Variants in NPHP4 observed in about 807,000 individuals in gnomAD.
The protein encoded by NPHP4 is nephrocystin-4.
A neutral mutation model predicts 155.8 loss-of-function variants in NPHP4; 151 were observed. That is an observed-to-expected ratio of 0.97 (90% CI 0.85 to 1.11). The LOEUF is 1.11. Among genes scored for constraint, NPHP4 ranks in the 50% least tolerant of loss-of-function variants. NPHP4 has a pLI of 0.00. For synonymous variants in NPHP4, 845 were observed against 816.8 expected (o/e 1.03, Z -0.59); for missense variants, 1,956 against 1,925.7 (o/e 1.02, Z -0.29).
At chr1:5,915,304 C>T (rs867082834) in intron 11 of NPHP4, among the ~76,000 whole-genome samples, 10 of 152,038 alleles carry the variant, frequency 6.6e-5, no homozygotes, top group Admixed American at 1.3e-4. Flanking sequence ...GAAGGACCAT[C>T]GCTAGTAAAG....
In NPHP4 at chr1:5,887,345, T is replaced by C. The variant is rs747951355; in HGVS notation, c.2426A>G (p.Lys809Arg). ...SGDMLGFGRV[K>R]PIGVHSVVKG... is the part of the protein sequence containing the mutation. The stretch of plus-strand genomic sequence containing the variant: ...CACCACCGAGTGGACGCCGATGGGC[T>C]TGACGCGGCCAAACCCCAGCATGTC... The change falls in exon 18 of 30, where the codon AAG (lysine) becomes AGG (arginine). Residue 809 changes from lysine to arginine, a missense_variant. Coordinates refer to ENST00000378156, the MANE Select transcript of NPHP4 (RefSeq NM_015102.5). 4.8e-5 allele frequency: 77 copies of C among 1,613,486 alleles called. No individual in the cohort carries two copies. Among genetic ancestry groups the C allele is most frequent in the Non-Finnish European group, 6.1e-5 (72 of 1,179,880 alleles).
intron 19 of NPHP4, 167 bp from the exon 20 acceptor site, chr1:5,877,465 T>G (rs1642737585): frequency 1.0e-5 from 5 of 479,352 alleles, no homozygotes; most frequent in Middle Eastern, 5.3e-4. Flanking sequence ...CAGATAAAGA[T>G]GATAACTTTA....
rs899077550 is a variant in NPHP4, at chr1:5,972,853, C to G, written c.280-3594G>C. Among the ~76,000 whole-genome samples, 110 of 151,982 alleles carry G rather than the reference C, an allele frequency of 7.2e-4. 1 individual carries two copies. The highest frequency in any genetic ancestry group is 1.9e-3 in the Admixed American group (29 of 15,250). Reference sequence around the variant, plus strand: ...GGTGCACCCATCACCCGAGCAGTATCCACTGAACCTAATTTGTAGGGTTTT... The same window carrying G: ...GGTGCACCCATCACCCGAGCAGTATGCACTGAACCTAATTTGTAGGGTTTT... On this transcript the variant is annotated intron_variant, in intron 3 of 29. Transcript: ENST00000378156.
At chr1:5,865,009 A>G in intron 27 of NPHP4, 93 bp downstream of exon 27, 2 of 1,317,608 alleles carry the variant, frequency 1.5e-6, no homozygotes, top group Non-Finnish European at 2.2e-6. Flanking sequence ...AGCTGCTGTC[A>G]GGGCCACCCA....
intron 9 of NPHP4, among the ~76,000 whole-genome samples, chr1:5,933,738 G>T (rs1646395825): frequency 1.3e-5 from 2 of 152,220 alleles, no homozygotes; most frequent in Non-Finnish European, 2.9e-5. Flanking sequence ...ACTAGGAACA[G>T]CACTTTGAAT....
At chr1:5,912,334 C>A (rs963216151) in intron 11 of NPHP4, among the ~76,000 whole-genome samples, 1 of 152,040 alleles carries the variant, frequency 6.6e-6, no homozygotes, top group Non-Finnish European at 1.5e-5. Context: ...GTCAGGAGAT[C>A]GAGACCATCC....
chr1:5,888,549 C>T (rs771244634), intron 17 of NPHP4: 1 of 1,350,298 alleles, frequency 7.4e-7, no homozygotes, highest in South Asian at 1.1e-5. Flanking sequence ...ACGATCACTG[C>T]ATAGACATCG....
At chr1:5,877,375 C>A in intron 19 of NPHP4, 77 bp from the exon 20 acceptor site, 1 of 1,239,192 alleles carries the variant, frequency 8.1e-7, no homozygotes, top group Non-Finnish European at 1.1e-6. Flanking sequence ...GGCAGGCCTC[C>A]CAGGACCACC....
At chr1:5,986,905 A>G (rs1349039252) in intron 1 of NPHP4, among the ~76,000 whole-genome samples, 5 of 152,070 alleles carry the variant, frequency 3.3e-5, no homozygotes, top group African/African-American at 1.2e-4. Context: ...ATACAGTCCT[A>G]GCGTTAAGAC....
rs918571590 is a variant in NPHP4 at position 5,889,070 on chromosome 1, G to C, written c.2305-1604C>G. Among the ~76,000 whole-genome samples the C allele has an allele frequency of 6.6e-6, 1 of 152,170 alleles. No homozygotes were observed. Among genetic ancestry groups the C allele is most frequent in the Non-Finnish European group, 1.5e-5 (1 of 68,028 alleles). On this transcript the variant is annotated intron_variant, in intron 17 of 29. Transcript: ENST00000378156. This position sits in a 1 kb window ranked among gnomAD's most constrained non-coding sequence, Gnocchi z 4.2. ...AGGGGTCACACTGAAGGCAGCACAG[G>C]AGCCGTCCGTCCCTAGAGGAAACTC...
At chr1:5,870,784 G>A (rs1281231396) in intron 23 of NPHP4, among the ~76,000 whole-genome samples, 1 of 152,202 alleles carries the variant, frequency 6.6e-6, no homozygotes, top group Non-Finnish European at 1.5e-5. Context: ...TGCATAACCT[G>A]GGTCTAACTG....
intron 11 of NPHP4, among the ~76,000 whole-genome samples, chr1:5,918,875 GAGA>G (rs1223316703): frequency 6.6e-6 from 1 of 152,196 alleles, no homozygotes; most frequent in Non-Finnish European, 1.5e-5. Flanking sequence ...TGGTTTCACA[GAGA>G]AGTTTTATCA....
At chr1:5,984,969 A>G (rs1433506432) in intron 2 of NPHP4, among the ~76,000 whole-genome samples, 3 of 152,198 alleles carry the variant, frequency 2.0e-5, no homozygotes, top group African/African-American at 7.2e-5. Flanking sequence ...AACGGGAGTA[A>G]GGTGGTGGCA....
At chr1:5,873,479 C>A in intron 22 of NPHP4, 144 bp from the exon 23 acceptor site, 1 of 687,096 alleles carries the variant, frequency 1.5e-6, no homozygotes, top group East Asian at 2.7e-5. Context: ...CATCACCAAC[C>A]GGCCTCACTG....
chr1:5,942,935 G>T (rs1646901567), intron 9 of NPHP4, among the ~76,000 whole-genome samples: 1 of 152,196 alleles, frequency 6.6e-6, no homozygotes, highest in African/African-American at 2.4e-5. Flanking sequence ...ACCGGATCTG[G>T]TGATTTTTGC....
At chr1:5,971,617 C>A (rs907214455) in intron 3 of NPHP4, among the ~76,000 whole-genome samples, 1 of 152,202 alleles carries the variant, frequency 6.6e-6, no homozygotes, top group Non-Finnish European at 1.5e-5. Context: ...GTCACCCCAG[C>A]AAAGTCATAT....
chr1:5,978,302 T>G lies in NPHP4; in HGVS notation c.247A>C (p.Lys83Gln). ...RTWKTTVKPTKRPPSRIVFNE... is the reference protein window; with the variant it reads ...RTWKTTVKPTQRPPSRIVFNE... ...AAGACGATCCTGGACGGCGGTCTCT[T>G]CGTCGGCTTCACTGTGGTTTTCCAC... The change falls in exon 3 of 30, where the codon AAG becomes CAG. Residue 83 changes from lysine to glutamine, a missense_variant. Physicochemically the swap from Lys to Gln is moderately conservative, Grantham distance 53. Coordinates refer to ENST00000378156, the MANE Select transcript of NPHP4 (RefSeq NM_015102.5). The G allele has an allele frequency of 1.2e-6, 2 of 1,608,928 alleles. No homozygotes were observed. The highest frequency in any genetic ancestry group is 1.7e-6 in the Non-Finnish European group (2 of 1,177,958).
intron 10 of NPHP4, 92 bp downstream of exon 10, chr1:5,933,055 T>C (rs904206849): frequency 4.8e-6 from 5 of 1,034,098 alleles, no homozygotes; most frequent in Admixed American, 2.6e-5. Context: ...AAATGAAACA[T>C]CTGCAAACAT....
In NPHP4 at chr1:5,866,422, CCACCTT is replaced by C. The variant is rs759364380; in HGVS notation, c.3589_3594del (p.Lys1197_Val1198del). The C allele has an allele frequency of 6.2e-7, 1 of 1,607,832 alleles. No individual in the cohort carries two copies. The highest frequency in any genetic ancestry group is 1.1e-5 in the South Asian group (1 of 89,730). On this transcript the variant is annotated inframe_deletion, in exon 26 of 30. Coordinates refer to ENST00000378156, the MANE Select transcript of NPHP4 (RefSeq NM_015102.5). The stretch of plus-strand genomic sequence containing the variant: ...TTGATCTCCGGGCTTGGACCACTGG[CCACCTT>C]CAGAAATATGTCCCGTGGTTCCCCG...
Sources: gnomAD v4.1 joint callset for allele counts (sites outside exome capture counted in the v4.1 genomes callset) on GRCh38, gnomAD v4.1.1 for gene constraint, Gnocchi (gnomAD v3.1) non-coding constraint, MANE v1.5 for transcripts, NCBI Gene and HGNC (gene_info 2026-07-23, HGNC 2026-07-21) for gene names.